Variants in FAM13A observed in about 807,000 individuals in gnomAD.
The protein encoded by FAM13A is family with sequence similarity 13 member A.
In FAM13A, 76 loss-of-function variants were observed where a neutral mutation model predicts 129.6. That is an observed-to-expected ratio of 0.59 (90% CI 0.49 to 0.71). The LOEUF is 0.71. FAM13A is among the 30% of genes least tolerant of loss of function. The pLI is 0.00. For missense variants in FAM13A, 1,108 were observed against 1,249.3 expected, an observed-to-expected ratio of 0.89 and a Z score of 1.70; for synonymous variants, 443 against 449.9, an observed-to-expected ratio of 0.98 and a Z score of 0.20.
intron 3 of FAM13A, among the ~76,000 whole-genome samples, chr4:88,992,327 C>T (rs558638753): frequency 1.3e-5 from 2 of 151,334 alleles, no homozygotes; most frequent in East Asian, 3.9e-4. Context: ...AGTGCCATGG[C>T]ACAATCTCAG....
At chr4:88,861,051 C>T (rs926377950) in intron 6 of FAM13A, among the ~76,000 whole-genome samples, 2 of 151,996 alleles carry the variant, frequency 1.3e-5, no homozygotes, top group African/African-American at 4.8e-5. Flanking sequence ...GGAGTAAGTC[C>T]CTTAACTTCT....
chr4:88,777,609 G>C (rs1403434666), intron 11 of FAM13A, among the ~76,000 whole-genome samples: 1 of 152,184 alleles, frequency 6.6e-6, no homozygotes, highest in Non-Finnish European at 1.5e-5. Context: ...ATCCTCGGGA[G>C]GCAAGGGACA....
At chr4:89,020,050 G>C (rs1198537406) in intron 3 of FAM13A, among the ~76,000 whole-genome samples, 1 of 151,972 alleles carries the variant, frequency 6.6e-6, no homozygotes, top group Non-Finnish European at 1.5e-5. Context: ...AAAAGCATCA[G>C]GGATTTTCAA....
In FAM13A at chr4:89,056,953, T is replaced by G. The variant is rs1199888366; in HGVS notation, c.12A>C (p.Gly4=). Residue 4 remains glycine, a synonymous_variant, in exon 1 of 24, where the codon GGA becomes GGC. Coordinates refer to ENST00000264344, the MANE Select transcript of FAM13A (RefSeq NM_014883.4). ...CTATACTTACACAGATGGCTAGAGC[T>G]CCTGCCCCCATTCTCTCAGAAAGCG... MGA[G]ALAICQSKAA... 6.2e-7 allele frequency: 1 copy of G among 1,613,670 alleles called. No homozygotes were observed. Among genetic ancestry groups the G allele is most frequent in the Non-Finnish European group, 8.5e-7 (1 of 1,179,806 alleles).
chr4:88,810,092 C>T (rs1398121735), intron 7 of FAM13A, among the ~76,000 whole-genome samples: 1 of 151,954 alleles, frequency 6.6e-6, no homozygotes, highest in East Asian at 1.9e-4. Flanking sequence ...ATTTTCCAGA[C>T]CAAAGGTTAA....
chr4:88,980,996 T>C (rs929911721), intron 4 of FAM13A, among the ~76,000 whole-genome samples: 2 of 152,332 alleles, frequency 1.3e-5, no homozygotes, highest in East Asian at 3.9e-4. Flanking sequence ...TGTAACATCT[T>C]GGATAGAAGA....
chr4:88,979,816 C>G (rs952578776), intron 4 of FAM13A, among the ~76,000 whole-genome samples: 6 of 151,976 alleles, frequency 3.9e-5, no homozygotes, highest in Non-Finnish European at 8.8e-5. Flanking sequence ...ACTAAAAATA[C>G]AAAAATTAGC....
chr4:89,014,790 C>T (rs976822586), intron 3 of FAM13A, among the ~76,000 whole-genome samples: 9 of 152,040 alleles, frequency 5.9e-5, no homozygotes, highest in East Asian at 1.9e-4. Flanking sequence ...CAGGACCCTG[C>T]GATGACTGCG....
At chr4:88,772,099 A>C (rs1720787765) in intron 11 of FAM13A, among the ~76,000 whole-genome samples, 1 of 152,116 alleles carries the variant, frequency 6.6e-6, no homozygotes. Flanking sequence ...TGCTGACAAA[A>C]CCTTAATAGA....
At chr4:88,856,201 C>A in intron 6 of FAM13A, among the ~76,000 whole-genome samples, 1 of 151,922 alleles carries the variant, frequency 6.6e-6, no homozygotes, top group East Asian at 1.9e-4. Flanking sequence ...AAGTGTGGAC[C>A]GGGCATGGTG....
chr4:88,902,366 C>T (rs1747431699), intron 6 of FAM13A, among the ~76,000 whole-genome samples: 1 of 152,114 alleles, frequency 6.6e-6, no homozygotes. Context: ...CAATAAAACA[C>T]TGGCAAACCA....
At chr4:88,749,094 T>C in intron 16 of FAM13A, 61 bp from the exon 17 acceptor site, 1 of 1,226,932 alleles carries the variant, frequency 8.2e-7, no homozygotes, top group Non-Finnish European at 1.2e-6. Context: ...TAAGAAGTGT[T>C]TGATGATCAT....
chr4:88,877,452 C>T (rs1742731185), intron 6 of FAM13A, among the ~76,000 whole-genome samples: 1 of 152,032 alleles, frequency 6.6e-6, no homozygotes, highest in African/African-American at 2.4e-5. Context: ...ATTATGAAGC[C>T]TGAATTATTG....
chr4:88,830,707 C>T (rs7660000), intron 7 of FAM13A, among the ~76,000 whole-genome samples: 47,584 of 151,874 alleles, frequency 0.31, 7,920 homozygotes, highest in East Asian at 0.56. Flanking sequence ...AAATGGCTCA[C>T]AGTGTTCATT....
chr4:88,899,199 C>T (rs1051047615), intron 6 of FAM13A, among the ~76,000 whole-genome samples: 6 of 151,808 alleles, frequency 4.0e-5, no homozygotes, highest in East Asian at 1.9e-4. Context: ...TTTGCAGCAA[C>T]GTGGATGAGA....
At chr4:89,008,070 ATCTGTCG>A (rs747733844) in intron 3 of FAM13A, among the ~76,000 whole-genome samples, 1 of 151,766 alleles carries the variant, frequency 6.6e-6, no homozygotes, top group Non-Finnish European at 1.5e-5. Flanking sequence ...GATTTCCGAG[ATCTGTCG>A]GAGATCAATG....
intron 7 of FAM13A, among the ~76,000 whole-genome samples, chr4:88,850,711 A>AT (rs1474603559): frequency 6.6e-6 from 1 of 152,206 alleles, no homozygotes; most frequent in Non-Finnish European, 1.5e-5. Flanking sequence ...AATTGCAGAT[A>AT]TTTTCTACTG....
chr4:88,956,870 G>T (rs1456122978), intron 4 of FAM13A, among the ~76,000 whole-genome samples: 2 of 152,122 alleles, frequency 1.3e-5, no homozygotes, highest in Non-Finnish European at 2.9e-5. Context: ...AGTTTGGATT[G>T]TCCCCGCCCA....
At chr4:89,008,181 A>G (rs2149076611) in intron 3 of FAM13A, among the ~76,000 whole-genome samples, 1 of 152,326 alleles carries the variant, frequency 6.6e-6, no homozygotes, top group Admixed American at 6.5e-5. Context: ...AATTTAATAA[A>G]TTTTAAAAAG....
Sources: gnomAD v4.1 joint callset for allele counts (sites outside exome capture counted in the v4.1 genomes callset) on GRCh38, gnomAD v4.1.1 for gene constraint, MANE v1.5 for transcripts, NCBI Gene and HGNC (gene_info 2026-07-23, HGNC 2026-07-21) for gene names.